Variants in DPP10 observed in about 807,000 individuals in gnomAD.
DPP10 encodes inactive dipeptidyl peptidase 10.
A neutral mutation model predicts 120.9 loss-of-function variants in DPP10; 33 were observed. The ratio of observed to expected loss-of-function variants is 0.27; its 90% CI spans 0.21 to 0.37. The LOEUF is 0.37. DPP10 is among the 10% of genes least tolerant of loss of function. The pLI is 1.00. For missense variants in DPP10, 816 were observed against 942.8 expected (o/e 0.87, Z 1.76); for synonymous variants, 337 against 326.1 (o/e 1.03, Z -0.36).
At chr2:114,800,231 A>G (rs1342137087) in intron 1 of DPP10, among the ~76,000 whole-genome samples, 1 of 152,238 alleles carries the variant, frequency 6.6e-6, no homozygotes, top group Non-Finnish European at 1.5e-5. Flanking sequence ...GTTGAAATTA[A>G]GGTGGGATTA....
intron 1 of DPP10, among the ~76,000 whole-genome samples, chr2:114,887,191 C>A (rs549918922): frequency 3.4e-4 from 51 of 152,144 alleles, no homozygotes; most frequent in African/African-American, 1.2e-3. Flanking sequence ...CTGATGCTTC[C>A]AAACACTTTG....
chr2:115,046,980 T>C (rs567745764), intron 1 of DPP10, among the ~76,000 whole-genome samples: 1 of 152,074 alleles, frequency 6.6e-6, no homozygotes, highest in Non-Finnish European at 1.5e-5. Context: ...CTGGTACATA[T>C]TAACCATGAA....
chr2:114,858,200 G>C (rs971339879), intron 1 of DPP10, among the ~76,000 whole-genome samples: 5 of 152,110 alleles, frequency 3.3e-5, no homozygotes, highest in African/African-American at 9.7e-5. Context: ...GTGTTGCCCA[G>C]GCTGGTCTCG....
At chr2:114,686,384 A>AT (rs1699368574) in intron 1 of DPP10, among the ~76,000 whole-genome samples, 1 of 151,990 alleles carries the variant, frequency 6.6e-6, no homozygotes, top group Admixed American at 6.6e-5. Context: ...GCAAACCAAA[A>AT]CAAACAATTT....
chr2:115,605,802 G>A (rs954072343), intron 5 of DPP10, among the ~76,000 whole-genome samples: 7 of 151,890 alleles, frequency 4.6e-5, no homozygotes, highest in African/African-American at 1.7e-4. Flanking sequence ...TATGTGAGAG[G>A]ATCATTTTCT....
intron 1 of DPP10, among the ~76,000 whole-genome samples, chr2:115,212,343 A>G (rs754193598): frequency 6.6e-6 from 1 of 152,184 alleles, no homozygotes; most frequent in Non-Finnish European, 1.5e-5. Flanking sequence ...CCCAATGTAC[A>G]TGACATGCAC....
chr2:115,703,603 G>A (rs1478089174), intron 7 of DPP10, among the ~76,000 whole-genome samples: 1 of 151,946 alleles, frequency 6.6e-6, no homozygotes, highest in Admixed American at 6.6e-5. Flanking sequence ...TTTTTGGGGG[G>A]AAACTTCATA....
intron 5 of DPP10, among the ~76,000 whole-genome samples, chr2:115,550,669 G>A (rs1003563839): frequency 7.2e-5 from 11 of 152,078 alleles, no homozygotes; most frequent in Non-Finnish European, 1.6e-4. Flanking sequence ...CAACTATAAC[G>A]CTTATTTAAA....
intron 1 of DPP10, among the ~76,000 whole-genome samples, chr2:114,841,971 C>T (rs752484080): frequency 3.3e-5 from 5 of 152,088 alleles, no homozygotes; most frequent in Non-Finnish European, 5.9e-5. Context: ...TCAGGCTTTG[C>T]ACATGAACTA....
intron 1 of DPP10, among the ~76,000 whole-genome samples, chr2:114,716,266 T>C (rs994881576): frequency 6.6e-6 from 1 of 152,172 alleles, no homozygotes; most frequent in African/African-American, 2.4e-5. Context: ...AAATGTTTGA[T>C]ATAAAGACTA....
chr2:114,845,252 C>A (rs1688454275), intron 1 of DPP10, among the ~76,000 whole-genome samples: 1 of 152,054 alleles, frequency 6.6e-6, no homozygotes, highest in South Asian at 2.1e-4. Context: ...AAGAAACTTA[C>A]AATCTCATTA....
intron 1 of DPP10, among the ~76,000 whole-genome samples, chr2:114,639,052 G>A (rs1383799489): frequency 6.6e-5 from 10 of 151,784 alleles, no homozygotes; most frequent in South Asian, 6.2e-4. Flanking sequence ...CAAATACTGC[G>A]TGTTCTCACT....
chr2:114,726,581 CTA>C (rs1278547043), intron 1 of DPP10, among the ~76,000 whole-genome samples: 4 of 152,138 alleles, frequency 2.6e-5, no homozygotes, highest in Non-Finnish European at 4.4e-5. Context: ...GTTTCTGTAA[CTA>C]TTGAAAAATT....
At chr2:115,394,209 G>A (rs559869538) in intron 3 of DPP10, among the ~76,000 whole-genome samples, 1 of 152,206 alleles carries the variant, frequency 6.6e-6, no homozygotes, top group Admixed American at 6.5e-5. Context: ...TTTGAAACTA[G>A]TAGAGCCTTA....
At chr2:114,992,963 T>G (rs1700835784) in intron 1 of DPP10, among the ~76,000 whole-genome samples, 1 of 152,196 alleles carries the variant, frequency 6.6e-6, no homozygotes, top group African/African-American at 2.4e-5. Context: ...CCCTCTCCTT[T>G]ATTGATTTTC....
chr2:114,595,438 A>T (rs1465582719), intron 1 of DPP10, among the ~76,000 whole-genome samples: 3 of 152,106 alleles, frequency 2.0e-5, no homozygotes, highest in African/African-American at 7.2e-5. Context: ...AGTGGCCCAG[A>T]AATTGTAGAA....
intron 3 of DPP10, among the ~76,000 whole-genome samples, chr2:115,399,090 T>A (rs946908111): frequency 2.0e-5 from 3 of 152,174 alleles, no homozygotes; most frequent in Non-Finnish European, 4.4e-5. Flanking sequence ...TCGGTGACAT[T>A]TTGTTGCTGT....
intron 1 of DPP10, among the ~76,000 whole-genome samples, chr2:114,912,236 T>C (rs1325587959): frequency 6.6e-6 from 1 of 152,188 alleles, no homozygotes; most frequent in East Asian, 1.9e-4. Context: ...GTAAACATTT[T>C]CTCTCCATTT....
At chr2:115,541,095 A>G (rs1257521375) in intron 5 of DPP10, among the ~76,000 whole-genome samples, 2 of 151,904 alleles carry the variant, frequency 1.3e-5, no homozygotes, top group African/African-American at 4.8e-5. Context: ...GTTAATAGTC[A>G]TGATGTTTAT....
Sources: allele counts gnomAD v4.1 joint callset (sites outside exome capture counted in the v4.1 genomes callset), GRCh38; gene constraint gnomAD v4.1.1; transcripts MANE v1.5; gene names NCBI Gene and HGNC (gene_info 2026-07-23, HGNC 2026-07-21).